RETREG3: variants seen among roughly 807,000 people sequenced by gnomAD.
RETREG3 encodes the protein reticulophagy regulator family member 3.
Under a neutral mutation model 50.2 loss-of-function variants are expected in RETREG3, and 23 were observed. The observed-to-expected ratio is 0.46, with a 90% CI of 0.33 to 0.65. The LOEUF (loss-of-function observed/expected upper bound fraction) is 0.65. RETREG3 is among the 30% of genes least tolerant of loss of function. RETREG3 has a pLI of 0.02. For missense variants in RETREG3, 546 were observed against 598.0 expected (o/e 0.91, Z 0.91); for synonymous variants, 240 against 234.4 (o/e 1.02, Z -0.22).
At chr17:42,604,170 G>A (rs2093163487) in intron 1 of RETREG3, among the ~76,000 whole-genome samples, 1 of 151,210 alleles carries the variant, frequency 6.6e-6, no homozygotes, top group Non-Finnish European at 1.5e-5. Context: ...ATTTTTTTGG[G>A]GGGGCGGACA....
rs757987266 is a variant in RETREG3, at chr17:42,583,597, A to G, written c.728-17T>C. On this transcript the variant is annotated splice_polypyrimidine_tract_variant and intron_variant, in intron 6 of 8. Transcript: ENST00000309428. ...TGCGGCGTACTGTGGGAAGAGCACA[A>G]AGTCTTGCTTGATACCTTCTCCCAG... 1.9e-6 allele frequency: 3 copies of G among 1,610,220 alleles called. No homozygotes were observed. The highest frequency in any genetic ancestry group is 2.5e-6 in the Non-Finnish European group (3 of 1,177,524).
At chr17:42,595,798 T>G (rs1033764116) in intron 1 of RETREG3, among the ~76,000 whole-genome samples, 1 of 148,954 alleles carries the variant, frequency 6.7e-6, no homozygotes, top group Admixed American at 6.7e-5. Context: ...CTCAGCGCGC[T>G]GAGGCAGGAG....
intron 2 of RETREG3, among the ~76,000 whole-genome samples, chr17:42,588,495 C>A (rs529108707): frequency 6.6e-6 from 1 of 151,868 alleles, no homozygotes; most frequent in Non-Finnish European, 1.5e-5. Context: ...CTCAGCCTCC[C>A]GAGTAACTGG....
intron 1 of RETREG3, among the ~76,000 whole-genome samples, chr17:42,605,570 T>C (rs2093166402): frequency 6.6e-6 from 1 of 152,160 alleles, no homozygotes; most frequent in South Asian, 2.1e-4. Flanking sequence ...GAAGCTCATT[T>C]CCCCAAACAA....
chr17:42,604,521 T>G (rs1597743758), intron 1 of RETREG3, among the ~76,000 whole-genome samples: 1 of 151,770 alleles, frequency 6.6e-6, no homozygotes, highest in African/African-American at 2.4e-5. Flanking sequence ...GTTTTGCAAA[T>G]AGGCTGGGCC....
chr17:42,593,415 A>G (rs2093136986), intron 1 of RETREG3, among the ~76,000 whole-genome samples: 1 of 151,614 alleles, frequency 6.6e-6, no homozygotes, highest in South Asian at 2.1e-4. Flanking sequence ...TTTGGGAGGC[A>G]GAGGCGGGCA....
intron 1 of RETREG3, among the ~76,000 whole-genome samples, chr17:42,607,314 T>C (rs2093169544): frequency 6.8e-6 from 1 of 147,214 alleles, no homozygotes; most frequent in Non-Finnish European, 1.5e-5. Context: ...GCCTGGGCAA[T>C]ATAGTGAGAC....
At chr17:42,607,362 T>C (rs181125993) in intron 1 of RETREG3, among the ~76,000 whole-genome samples, 20 of 151,206 alleles carry the variant, frequency 1.3e-4, no homozygotes, top group Admixed American at 1.1e-3. Flanking sequence ...TAGCCAAGCA[T>C]GATGATGTGC....
intron 1 of RETREG3, among the ~76,000 whole-genome samples, chr17:42,598,310 T>C (rs2093152124): frequency 6.6e-6 from 1 of 152,014 alleles, no homozygotes; most frequent in Non-Finnish European, 1.5e-5. Flanking sequence ...TTGTGGCTTG[T>C]TCCAAAAAAA....
chr17:42,585,078 T>G (rs755886111), intron 6 of RETREG3, 47 bp downstream of exon 6: 5 of 1,600,900 alleles, frequency 3.1e-6, no homozygotes, highest in Non-Finnish European at 3.4e-6. Context: ...GCTTCTCCTT[T>G]TCGCCCCAAA....
chr17:42,593,647 C>CAAAAA (rs10537185), intron 1 of RETREG3, among the ~76,000 whole-genome samples: 32 of 86,284 alleles, frequency 3.7e-4, no homozygotes, highest in Admixed American at 1.1e-3. Flanking sequence ...GACTCCGTCT[C>CAAAAA]AAAAAAAAAA....
chr17:42,583,761 T>C (rs971808797), intron 6 of RETREG3, among the ~76,000 whole-genome samples, 181 bp from the exon 7 acceptor site: 1 of 152,190 alleles, frequency 6.6e-6, no homozygotes, highest in African/African-American at 2.4e-5. Flanking sequence ...TTGAAAACAC[T>C]GGAGAAAATA....
In RETREG3 at chr17:42,597,976, G is replaced by GTT. The variant is rs869196773; in HGVS notation, c.240-5816_240-5815dup. ...CAAAGAAAACTCTTCTTCCTCTGAA[G>GTT]TTTTTTTTTTTTTTTTTTTTTTTGA... On this transcript the variant is annotated intron_variant, in intron 1 of 8. Transcript: ENST00000309428. Among the ~76,000 whole-genome samples, 892 of 95,778 alleles carry GTT rather than the reference G, an allele frequency of 9.3e-3. 2 individuals are homozygous for GTT. Among genetic ancestry groups the GTT allele is most frequent in the Non-Finnish European group, 0.01 (507 of 49,014 alleles). The allele number at this position is 95,778 out of a possible 152,430, so 62.8% of individuals were successfully genotyped here.
At chr17:42,589,528 G>A (rs2093128222) in intron 2 of RETREG3, among the ~76,000 whole-genome samples, 1 of 152,150 alleles carries the variant, frequency 6.6e-6, no homozygotes, top group Non-Finnish European at 1.5e-5. Context: ...AACCTCCAGG[G>A]CTCAAGGGAT....
At chr17:42,605,690 A>G (rs1169170002) in intron 1 of RETREG3, among the ~76,000 whole-genome samples, 2 of 152,120 alleles carry the variant, frequency 1.3e-5, no homozygotes, top group African/African-American at 2.4e-5. Context: ...CTGTTCTTTT[A>G]GTCTCAAGAG....
intron 1 of RETREG3, chr17:42,608,845 G>A (rs368595186): frequency 1.1e-4 from 57 of 530,604 alleles, no homozygotes; most frequent in African/African-American, 9.7e-4. Flanking sequence ...AGAAGCTCCC[G>A]CCAGATGTGC....
intron 4 of RETREG3, 144 bp from the exon 5 acceptor site, chr17:42,586,281 T>A: frequency 1.4e-6 from 1 of 715,274 alleles, no homozygotes; most frequent in African/African-American, 1.8e-5. Context: ...AAGGTGATTC[T>A]GTTTGGGAAG....
chr17:42,594,638 T>A (rs570204606), intron 1 of RETREG3, among the ~76,000 whole-genome samples: 45 of 151,436 alleles, frequency 3.0e-4, no homozygotes, highest in African/African-American at 1.0e-3. Flanking sequence ...GGTCAGGAGA[T>A]CGAGACCATC....
intron 2 of RETREG3, among the ~76,000 whole-genome samples, chr17:42,591,805 T>C (rs1325406342): frequency 6.6e-6 from 1 of 152,192 alleles, no homozygotes; most frequent in African/African-American, 2.4e-5. Flanking sequence ...CAGGCCATTA[T>C]GTTGGCAAAA....
Sources: allele counts gnomAD v4.1 joint callset (sites outside exome capture counted in the v4.1 genomes callset), GRCh38; gene constraint gnomAD v4.1.1; transcripts MANE v1.5; gene names NCBI Gene and HGNC (gene_info 2026-07-23, HGNC 2026-07-21).